SMOC2: variants seen among roughly 807,000 people sequenced by gnomAD.
The protein encoded by SMOC2 is SPARC-related modular calcium-binding protein 2.
In SMOC2, 39 loss-of-function variants were observed where a neutral mutation model predicts 61.4. That is an observed-to-expected ratio of 0.64 (90% CI 0.49 to 0.83). The LOEUF is 0.83. Ranked by LOEUF, SMOC2 falls within the 40% of genes least tolerant of loss-of-function variation. SMOC2 has a pLI of 0.00. For synonymous variants in SMOC2, 247 were observed against 239.9 expected, an observed-to-expected ratio of 1.03 and a Z score of -0.27; for missense variants, 556 against 592.9, an observed-to-expected ratio of 0.94 and a Z score of 0.65.
chr6:168,494,445 G>A (rs749323738), intron 1 of SMOC2, among the ~76,000 whole-genome samples: 9 of 152,200 alleles, frequency 5.9e-5, no homozygotes, highest in South Asian at 4.1e-4. Context: ...CACCTAGATA[G>A]ACTTCTTCTT....
chr6:168,610,562 G>A (rs1438820874), intron 9 of SMOC2, among the ~76,000 whole-genome samples: 2 of 152,128 alleles, frequency 1.3e-5, no homozygotes, highest in African/African-American at 4.8e-5. Flanking sequence ...AAAAGGTACC[G>A]TTTCCTTTTG....
At chr6:168,516,937 C>T (rs1361943091) in intron 2 of SMOC2, among the ~76,000 whole-genome samples, 1 of 152,116 alleles carries the variant, frequency 6.6e-6, no homozygotes, top group Non-Finnish European at 1.5e-5. Flanking sequence ...CTGGCGACAA[C>T]ACTGAAACTC....
At chr6:168,558,518 C>CT (rs1195518701) in intron 7 of SMOC2, among the ~76,000 whole-genome samples, 1 of 152,196 alleles carries the variant, frequency 6.6e-6, no homozygotes, top group Non-Finnish European at 1.5e-5. Flanking sequence ...TCGGCCCCCC[C>CT]TGTGTGATCC....
At chr6:168,454,966 T>C (rs1438682311) in intron 1 of SMOC2, among the ~76,000 whole-genome samples, 1 of 151,738 alleles carries the variant, frequency 6.6e-6, no homozygotes, top group Non-Finnish European at 1.5e-5. Flanking sequence ...GGCCCAAAGG[T>C]GGCTCTCAAG....
chr6:168,627,740 C>T (rs1365702804), intron 9 of SMOC2, among the ~76,000 whole-genome samples: 1 of 152,196 alleles, frequency 6.6e-6, no homozygotes, highest in African/African-American at 2.4e-5. Flanking sequence ...TAGTTGTAAT[C>T]AGCCTGCACA....
intron 9 of SMOC2, among the ~76,000 whole-genome samples, chr6:168,644,668 G>A (rs1164796660): frequency 5.7e-5 from 2 of 34,916 alleles, no homozygotes; most frequent in Non-Finnish European, 1.1e-4. Context: ...TTTTTTTTTT[G>A]AGACAGAGTC....
chr6:168,497,092 C>A (rs913856089), intron 1 of SMOC2, among the ~76,000 whole-genome samples: 8 of 152,190 alleles, frequency 5.3e-5, no homozygotes, highest in Admixed American at 4.6e-4. Context: ...TGCGAGAGCC[C>A]TGGGGCTGCC....
intron 2 of SMOC2, among the ~76,000 whole-genome samples, chr6:168,520,487 G>A (rs1013600698): frequency 6.6e-6 from 1 of 152,248 alleles, no homozygotes; most frequent in African/African-American, 2.4e-5. Context: ...GGAGATGGCA[G>A]TGCAAGCTGA....
At chr6:168,628,751 T>A (rs1786486578) in intron 9 of SMOC2, among the ~76,000 whole-genome samples, 1 of 152,240 alleles carries the variant, frequency 6.6e-6, no homozygotes, top group South Asian at 2.1e-4. Flanking sequence ...CACTACCTGC[T>A]CTCCGTAGAT....
At chr6:168,609,923 C>T (rs1233613358) in intron 9 of SMOC2, among the ~76,000 whole-genome samples, 2 of 152,196 alleles carry the variant, frequency 1.3e-5, no homozygotes, top group Non-Finnish European at 2.9e-5. Flanking sequence ...TTTCGCTTCT[C>T]ATTGGTAAAA....
chr6:168,662,487 C>T (rs2115292411), intron 11 of SMOC2, among the ~76,000 whole-genome samples: 1 of 152,272 alleles, frequency 6.6e-6, no homozygotes, highest in East Asian at 1.9e-4. Context: ...GGGGAGAAGT[C>T]GGGCACTGGA....
chr6:168,659,698 G>A, intron 11 of SMOC2, among the ~76,000 whole-genome samples: 1 of 106,500 alleles, frequency 9.4e-6, no homozygotes, highest in Non-Finnish European at 2.0e-5. Flanking sequence ...GGTAGGGTGA[G>A]GGTGGAGGTT....
At chr6:168,488,092 T>G (rs898341593) in intron 1 of SMOC2, among the ~76,000 whole-genome samples, 15 of 152,168 alleles carry the variant, frequency 9.9e-5, no homozygotes, top group African/African-American at 3.4e-4. Context: ...GCACCACAAA[T>G]GGGTAGCTTG....
At chr6:168,650,627 G>A in intron 9 of SMOC2, 54 bp from the exon 10 acceptor site, 1 of 1,532,486 alleles carries the variant, frequency 6.5e-7, no homozygotes, top group South Asian at 1.2e-5. Flanking sequence ...TATTTTAGAG[G>A]AAAATCTGTT....
At chr6:168,661,918 A>G (rs1380391270) in intron 11 of SMOC2, among the ~76,000 whole-genome samples, 1 of 152,200 alleles carries the variant, frequency 6.6e-6, no homozygotes, top group Non-Finnish European at 1.5e-5. Context: ...GAAACCAACT[A>G]TTTAAAAAAA....
chr6:168,441,520 G>T, intron 1 of SMOC2, 66 bp downstream of exon 1: 1 of 1,426,750 alleles, frequency 7.0e-7, no homozygotes, highest in Non-Finnish European at 9.1e-7. Context: ...CCGGGTTCGG[G>T]TCCCCGCGCC....
chr6:168,446,873 A>G (rs1781344078), intron 1 of SMOC2, among the ~76,000 whole-genome samples: 1 of 152,238 alleles, frequency 6.6e-6, no homozygotes, highest in East Asian at 1.9e-4. Context: ...TTTTCAACAC[A>G]GAGAGTCTCA....
chr6:168,496,409 A>G (rs1243306204), intron 1 of SMOC2, among the ~76,000 whole-genome samples: 1 of 152,214 alleles, frequency 6.6e-6, no homozygotes, highest in Admixed American at 6.5e-5. Flanking sequence ...CACATAGCAA[A>G]TGAGCGACTG....
rs142842059 is a variant in SMOC2 at position 168,453,955 on chromosome 6, C to T, written c.84+12501C>T. Among the ~76,000 whole-genome samples the T allele has an allele frequency of 6.6e-6, 1 of 151,930 alleles. No homozygotes were observed. The highest frequency in any genetic ancestry group is 1.5e-5 in the Non-Finnish European group (1 of 67,970). ...GATTCTATCTTTGGTCTCTGCCATTCTCCCTCTCTGTTTTGTCTATCTTTC... is the reference window on the plus strand; with the variant it reads ...GATTCTATCTTTGGTCTCTGCCATTTTCCCTCTCTGTTTTGTCTATCTTTC... On this transcript the variant is annotated intron_variant, in intron 1 of 12. Coordinates refer to ENST00000356284, the MANE Select transcript of SMOC2 (RefSeq NM_001166412.2). The surrounding 1 kb of genome is among the most constrained non-coding windows in gnomAD (Gnocchi z 4.4).
Sources: gnomAD v4.1 joint callset for allele counts (sites outside exome capture counted in the v4.1 genomes callset) on GRCh38, gnomAD v4.1.1 for gene constraint, Gnocchi (gnomAD v3.1) non-coding constraint, MANE v1.5 for transcripts, NCBI Gene and HGNC (gene_info 2026-07-23, HGNC 2026-07-21) for gene names.